POC5: variants seen among roughly 807,000 people sequenced by gnomAD.
POC5 encodes the protein POC5 centriolar protein, also known as centrosomal protein POC5.
In POC5, 48 loss-of-function variants were observed where a neutral mutation model predicts 62.9. The observed-to-expected ratio is 0.76, with a 90% CI of 0.61 to 0.97. The LOEUF is 0.97. Among genes scored for constraint, POC5 ranks in the 50% least tolerant of loss-of-function variants. The pLI, the probability that POC5 is intolerant of heterozygous loss-of-function variation, is 0.00. For synonymous variants in POC5, 236 were observed against 228.2 expected (o/e 1.03, Z -0.31); for missense variants, 696 against 679.5 (o/e 1.02, Z -0.27).
At chr5:75,705,636 C>T in intron 4 of POC5, 68 bp downstream of exon 4, 2 of 924,460 alleles carry the variant, frequency 2.2e-6, no homozygotes, top group Non-Finnish European at 3.2e-6. Flanking sequence ...CCTCTTACTA[C>T]ATAGATAATA....
chr5:75,674,945 C>T (rs896161351), intron 11 of POC5, among the ~76,000 whole-genome samples: 3 of 152,134 alleles, frequency 2.0e-5, no homozygotes, highest in African/African-American at 7.2e-5. Context: ...CTGAGTCCTC[C>T]CCTCATTCCA....
intron 10 of POC5, among the ~76,000 whole-genome samples, chr5:75,684,912 G>A (rs2112096682): frequency 6.7e-6 from 1 of 148,886 alleles, no homozygotes; most frequent in Non-Finnish European, 1.5e-5. Context: ...CTGTTGCCCA[G>A]GCTGGAGTGC....
At chr5:75,681,638 A>T (rs1349104936) in intron 10 of POC5, among the ~76,000 whole-genome samples, 2 of 150,136 alleles carry the variant, frequency 1.3e-5, no homozygotes, top group African/African-American at 4.9e-5. Flanking sequence ...TTTTAAAATA[A>T]TAATATTTTA....
chr5:75,696,351 C>T (rs888242392), intron 5 of POC5, among the ~76,000 whole-genome samples: 3 of 152,182 alleles, frequency 2.0e-5, no homozygotes, highest in Non-Finnish European at 2.9e-5. Context: ...TCTCCCAGCA[C>T]GCAGCTGGAG....
At chr5:75,692,532 TA>T in intron 6 of POC5, 32 bp from the exon 7 acceptor site, 2 of 1,481,434 alleles carry the variant, frequency 1.4e-6, no homozygotes, top group Non-Finnish European at 1.8e-6. Flanking sequence ...ATTATTGTGA[TA>T]TTAAAATAAC....
chr5:75,712,914 G>A lies in POC5; in HGVS notation c.24C>T (p.Tyr8=). 1 of 1,612,438 alleles carries A rather than the reference G, an allele frequency of 6.2e-7. No individual in the cohort carries two copies. The change falls in exon 2 of 12, where the codon TAC becomes TAT. Residue 8 remains tyrosine, a synonymous_variant. Coordinates refer to ENST00000428202, the MANE Select transcript of POC5 (RefSeq NM_001099271.2). Reference sequence around the variant, plus strand: ...AGTCATTTTGCACAACTGGAAGTGAGTATTTCTCCTCATCTGATGACATTC... The same window carrying A: ...AGTCATTTTGCACAACTGGAAGTGAATATTTCTCCTCATCTGATGACATTC... MSSDEEK[Y]SLPVVQNDSS... is the part of the protein sequence containing the mutation.
intron 2 of POC5, among the ~76,000 whole-genome samples, chr5:75,708,745 A>G (rs1473322075): frequency 1.3e-5 from 2 of 152,190 alleles, no homozygotes; most frequent in African/African-American, 4.8e-5. Context: ...ATGCTTTTAT[A>G]TATTTGAAAA....
intron 5 of POC5, among the ~76,000 whole-genome samples, chr5:75,698,678 A>T (rs1290635716): frequency 6.6e-6 from 1 of 152,110 alleles, no homozygotes; most frequent in African/African-American, 2.4e-5. Context: ...AAGAGCAAAC[A>T]CATTCAAAAG....
At chr5:75,675,183 G>A (rs771118033) in intron 11 of POC5, among the ~76,000 whole-genome samples, 26 of 152,160 alleles carry the variant, frequency 1.7e-4, no homozygotes, top group Non-Finnish European at 3.5e-4. Flanking sequence ...CAGGACACAC[G>A]TGACTTACTT....
rs1336043331 is a variant in POC5 at position 75,674,276 on chromosome 5, C to G, written c.*159G>C. 2 of 573,510 alleles carry G rather than the reference C, an allele frequency of 3.5e-6. No homozygotes were observed. Among genetic ancestry groups the G allele is most frequent in the African/African-American group, 1.9e-5 (1 of 52,654 alleles). 35.5% of individuals were successfully genotyped at this position (573,510 alleles called of 1,614,324 possible). A position where few individuals can be genotyped will look rare whatever the true frequency, so the allele number is the denominator to read the frequency against. On this transcript the variant is annotated 3_prime_UTR_variant, in exon 12 of 12. Transcript: ENST00000428202. ...TTAAAATAATTTCTACATATAGTTA[C>G]AAAGCATGGTAGAGCTTGAAAAAGC...
intron 7 of POC5, among the ~76,000 whole-genome samples, chr5:75,690,895 T>C (rs1776304670): frequency 6.6e-6 from 1 of 152,202 alleles, no homozygotes; most frequent in African/African-American, 2.4e-5. Flanking sequence ...CCATCTTAGT[T>C]ATGAATTTAG....
chr5:75,704,153 C>CAAA (rs373819320), intron 4 of POC5, among the ~76,000 whole-genome samples: 66 of 89,620 alleles, frequency 7.4e-4, no homozygotes, highest in African/African-American at 2.6e-3. Flanking sequence ...GACTCTGTCT[C>CAAA]AAAAAAAAAA....
chr5:75,702,523 A>G, intron 5 of POC5, 82 bp downstream of exon 5: 6 of 1,365,298 alleles, frequency 4.4e-6, no homozygotes, highest in Non-Finnish European at 4.9e-6. Context: ...GTTTAACTCA[A>G]AAAAACAAAA....
intron 3 of POC5, among the ~76,000 whole-genome samples, chr5:75,706,719 G>A (rs1005433584): frequency 3.3e-5 from 5 of 151,884 alleles, no homozygotes; most frequent in East Asian, 1.9e-4. Flanking sequence ...TGCTCTGCCC[G>A]GCTAATTTTT....
At chr5:75,711,124 G>A (rs1023240649) in intron 2 of POC5, among the ~76,000 whole-genome samples, 1 of 152,002 alleles carries the variant, frequency 6.6e-6, no homozygotes, top group Non-Finnish European at 1.5e-5. Context: ...TTATTTAAAT[G>A]ACTATTTTAG....
intron 3 of POC5, among the ~76,000 whole-genome samples, chr5:75,706,843 C>G (rs1777141569): frequency 6.6e-6 from 1 of 152,194 alleles, no homozygotes; most frequent in Non-Finnish European, 1.5e-5. Flanking sequence ...GAGCCACTGC[C>G]TGGCCTGTAT....
rs529355343 is a variant in POC5, at chr5:75,709,186, A to G, written c.85-1311T>C. On this transcript the variant is annotated intron_variant, in intron 2 of 11. Transcript: ENST00000428202. ...GCAGTAAACATTAGGTATAGCAAAT[A>G]CTGATTTTTATATATTTTAAGGCTA... Among the ~76,000 whole-genome samples, 29 of 152,316 alleles carry G rather than the reference A, an allele frequency of 1.9e-4. 1 individual carries two copies. In the East Asian group the frequency reaches 1.9e-3, roughly 10 times the overall value.
chr5:75,702,489 C>A, intron 5 of POC5, 116 bp downstream of exon 5: 2 of 1,011,380 alleles, frequency 2.0e-6, no homozygotes, highest in East Asian at 2.6e-5. Context: ...AAACTGATCT[C>A]AGGAAACAAA....
In POC5 at chr5:75,703,496, C is replaced by T. The variant is rs894704405; in HGVS notation, c.308-686G>A. ...CAAAAATTAGCTGGGTGTGGTGGCA[C>T]GCACCTATAGTCCCAGCTACTCGGG... On this transcript the variant is annotated intron_variant, in intron 4 of 11. Coordinates refer to ENST00000428202, the MANE Select transcript of POC5 (RefSeq NM_001099271.2). Among the ~76,000 whole-genome samples, 9 of 152,004 alleles carry T rather than the reference C, an allele frequency of 5.9e-5. No homozygotes were observed. The East Asian group carries it at 1.4e-3, about 23-fold the overall frequency.
Sources: gnomAD v4.1 joint callset for allele counts (sites outside exome capture counted in the v4.1 genomes callset) on GRCh38, gnomAD v4.1.1 for gene constraint, MANE v1.5 for transcripts, NCBI Gene and HGNC (gene_info 2026-07-23, HGNC 2026-07-21) for gene names.